APP: variants seen among roughly 807,000 people sequenced by gnomAD.
APP encodes amyloid-beta precursor protein.
APP carries 31 observed loss-of-function variants against 101.4 expected under a neutral mutation model. The ratio of observed to expected loss-of-function variants is 0.31; its 90% CI spans 0.23 to 0.41. The LOEUF (loss-of-function observed/expected upper bound fraction) is 0.41. APP is among the 10% of genes least tolerant of loss of function. The probability of loss-of-function intolerance (pLI) is 1.00; values close to 1 mark genes in which losing one functional copy is unlikely to be tolerated. For missense variants in APP, 839 were observed against 1,003.7 expected (o/e 0.84, Z 2.22); for synonymous variants, 366 against 364.4 (o/e 1.00, Z -0.05).
intron 1 of APP, among the ~76,000 whole-genome samples, chr21:26,122,133 C>T (rs2062587546): frequency 6.6e-6 from 1 of 152,168 alleles, no homozygotes; most frequent in South Asian, 2.1e-4. Flanking sequence ...TATCCCAACC[C>T]TATTTTCCTA....
At chr21:25,975,628 T>A (rs529550870) in intron 10 of APP, among the ~76,000 whole-genome samples, 1 of 152,176 alleles carries the variant, frequency 6.6e-6, no homozygotes, top group Non-Finnish European at 1.5e-5. Flanking sequence ...CTGGTTTCCA[T>A]CAAAAATTCA....
intron 1 of APP, among the ~76,000 whole-genome samples, chr21:26,159,294 T>C (rs992754551): frequency 5.3e-5 from 8 of 152,292 alleles, no homozygotes; most frequent in African/African-American, 1.9e-4. Context: ...TTAGCCAGGA[T>C]GGACTGGATC....
chr21:25,894,903 G>A (rs2037931159), intron 16 of APP, among the ~76,000 whole-genome samples: 1 of 152,136 alleles, frequency 6.6e-6, no homozygotes, highest in South Asian at 2.1e-4. Flanking sequence ...GTCAATCGAT[G>A]CAGCAAACTT....
Position 26,050,954 on chromosome 21 carries a change from C to T in APP, c.662+46G>A, listed in dbSNP as rs774461159. On this transcript the variant is annotated intron_variant, in intron 5 of 17. Coordinates refer to ENST00000346798, the MANE Select transcript of APP (RefSeq NM_000484.4). The stretch of plus-strand genomic sequence containing the variant: ...ATTTACAGGATACAAATACTCCATA[C>T]AAGATGTTTCAGCATCTCTGAGGCT... 5 of 1,594,044 alleles carry T rather than the reference C, an allele frequency of 3.1e-6. No homozygotes were observed. The South Asian group carries it at 5.5e-5, about 18-fold the overall frequency.
intron 3 of APP, among the ~76,000 whole-genome samples, chr21:26,067,648 T>C (rs2046508549): frequency 6.6e-6 from 1 of 152,216 alleles, no homozygotes; most frequent in African/African-American, 2.4e-5. Flanking sequence ...ATCAGCAAAC[T>C]GCTCATCTCC....
At chr21:26,046,723 A>G (rs1227023815) in intron 5 of APP, among the ~76,000 whole-genome samples, 1 of 152,200 alleles carries the variant, frequency 6.6e-6, no homozygotes, top group East Asian at 1.9e-4. Context: ...TACAACAATT[A>G]GAGGGTCTTC....
At chr21:26,086,594 T>C (rs2061710132) in intron 3 of APP, among the ~76,000 whole-genome samples, 1 of 151,942 alleles carries the variant, frequency 6.6e-6, no homozygotes, top group Admixed American at 6.6e-5. Flanking sequence ...AAAACATATA[T>C]TTGGATACAG....
intron 11 of APP, among the ~76,000 whole-genome samples, chr21:25,956,485 C>T (rs1291872560): frequency 1.3e-5 from 2 of 152,134 alleles, no homozygotes; most frequent in Non-Finnish European, 2.9e-5. Flanking sequence ...CAAAGATTCC[C>T]TGGTCTTCAA....
intron 1 of APP, among the ~76,000 whole-genome samples, chr21:26,125,451 C>G (rs551664106): frequency 4.1e-4 from 62 of 152,160 alleles, no homozygotes; most frequent in Non-Finnish European, 8.1e-4. Context: ...TTGAGGGCTC[C>G]TAAAGGTACT....
At chr21:25,898,511 G>A (rs2146268342) in intron 15 of APP, among the ~76,000 whole-genome samples, 1 of 152,324 alleles carries the variant, frequency 6.6e-6, no homozygotes, top group Admixed American at 6.5e-5. Context: ...ATTTTAGGAT[G>A]AAAAGGGCTT....
intron 5 of APP, 36 bp downstream of exon 5, chr21:26,050,964 C>G: frequency 6.2e-7 from 1 of 1,606,826 alleles, no homozygotes; most frequent in East Asian, 2.2e-5. Flanking sequence ...CAAGATGTTT[C>G]AGCATCTCTG....
Position 26,086,254 on chromosome 21 carries a change from A to T in APP, c.355+3689T>A, listed in dbSNP as rs141386758. 2.6e-5 allele frequency among the ~76,000 whole-genome samples: 4 copies of T among 152,346 alleles called. No homozygotes were observed. In the East Asian group the frequency reaches 7.7e-4, roughly 29 times the overall value. The stretch of plus-strand genomic sequence containing the variant: ...AATCTTACCCTCTGGTTCCAGAGGT[A>T]CTACCAAAAGCAAAGGGTGAGATGA... On this transcript the variant is annotated intron_variant, in intron 3 of 17. Coordinates refer to ENST00000346798, the MANE Select transcript of APP (RefSeq NM_000484.4).
At chr21:26,119,219 A>G (rs1426192485) in intron 1 of APP, among the ~76,000 whole-genome samples, 1 of 152,166 alleles carries the variant, frequency 6.6e-6, no homozygotes, top group Non-Finnish European at 1.5e-5. Context: ...AGCTTTTTTA[A>G]TTCTTCAATC....
intron 1 of APP, among the ~76,000 whole-genome samples, chr21:26,133,949 A>T (rs1470215242): frequency 6.6e-6 from 1 of 152,154 alleles, no homozygotes; most frequent in Non-Finnish European, 1.5e-5. Flanking sequence ...TGTGACTTTG[A>T]TTTCTGACAT....
chr21:26,067,033 G>C (rs1232402398), intron 3 of APP, among the ~76,000 whole-genome samples: 2 of 152,100 alleles, frequency 1.3e-5, no homozygotes, highest in African/African-American at 4.8e-5. Flanking sequence ...GGATACAAAA[G>C]AACCGAGATA....
intron 13 of APP, among the ~76,000 whole-genome samples, chr21:25,938,975 T>C (rs1459366895): frequency 6.6e-6 from 1 of 152,178 alleles, no homozygotes; most frequent in African/African-American, 2.4e-5. Context: ...TGCTCTAATA[T>C]ACCTATTTTT....
At chr21:25,891,579 A>C (rs927363458) in intron 17 of APP, 143 bp downstream of exon 17, 13 of 844,388 alleles carry the variant, frequency 1.5e-5, no homozygotes, top group Admixed American at 1.4e-4. Context: ...AAAACAAGAA[A>C]GAACAACTGT....
intron 5 of APP, among the ~76,000 whole-genome samples, chr21:26,036,364 G>A (rs552087132): frequency 6.6e-6 from 1 of 152,154 alleles, no homozygotes; most frequent in Non-Finnish European, 1.5e-5. Flanking sequence ...TGACACACAG[G>A]TTACTAGACA....
chr21:25,966,952 T>C (rs1421022981), intron 11 of APP, among the ~76,000 whole-genome samples: 3 of 152,342 alleles, frequency 2.0e-5, no homozygotes, highest in African/African-American at 7.2e-5. Flanking sequence ...TCTACCCTTG[T>C]TATCTCCAAT....
Sources: allele counts gnomAD v4.1 joint callset (sites outside exome capture counted in the v4.1 genomes callset), GRCh38; gene constraint gnomAD v4.1.1; transcripts MANE v1.5; gene names NCBI Gene and HGNC (gene_info 2026-07-23, HGNC 2026-07-21).